MCM5: variants seen among roughly 807,000 people sequenced by gnomAD.
MCM5 encodes the protein DNA replication licensing factor MCM5.
MCM5 carries 46 observed loss-of-function variants against 79.9 expected under a neutral mutation model. The ratio of observed to expected loss-of-function variants is 0.58; its 90% CI spans 0.45 to 0.74. The LOEUF is 0.74. MCM5 is among the 30% of genes least tolerant of loss of function. MCM5 has a pLI of 0.00. For synonymous variants in MCM5, 404 were observed against 390.5 expected, an observed-to-expected ratio of 1.03 and a Z score of -0.41; for missense variants, 883 against 1,017.0, an observed-to-expected ratio of 0.87 and a Z score of 1.79.
chr22:35,411,928 C>T (rs1207181781), intron 7 of MCM5, among the ~76,000 whole-genome samples: 1 of 152,196 alleles, frequency 6.6e-6, no homozygotes, highest in African/African-American at 2.4e-5. Context: ...TCTCAGTCTT[C>T]CCATCTTCAC....
chr22:35,408,387 C>CT lies in MCM5; in HGVS notation c.597-17dup, dbSNP rs746112306. The CT allele has an allele frequency of 1.2e-5, 19 of 1,601,152 alleles. No homozygotes were observed. In the African/African-American group the frequency reaches 2.0e-4, roughly 17 times the overall value. On this transcript the variant is annotated intron_variant, in intron 5 of 16. Coordinates refer to ENST00000216122, the MANE Select transcript of MCM5 (RefSeq NM_006739.4). ...GATTCTCCAGGTAGCTTTGGTGACTCTTTTCCCTTACCTTGTACAGAGATC... is the reference window on the plus strand; with the variant it reads ...GATTCTCCAGGTAGCTTTGGTGACTCTTTTTCCCTTACCTTGTACAGAGATC...
intron 13 of MCM5, among the ~76,000 whole-genome samples, chr22:35,419,224 G>C (rs538173167): frequency 7.2e-5 from 11 of 152,268 alleles, no homozygotes; most frequent in Admixed American, 3.3e-4. Context: ...GGTAGCCTTG[G>C]GGAGTTCCCT....
the MCM5 span, among the ~76,000 whole-genome samples, chr22:35,431,670 C>T: frequency 2.6e-5 from 4 of 152,222 alleles, no homozygotes; most frequent in South Asian, 2.1e-4. Flanking sequence ...GCTTCTAGCA[C>T]GCAGCCCTAA....
the MCM5 span, among the ~76,000 whole-genome samples, chr22:35,435,384 G>A: frequency 6.6e-6 from 1 of 152,164 alleles, no homozygotes; most frequent in Non-Finnish European, 1.5e-5. Context: ...GACTTGGTGG[G>A]ACAGCATGTG....
chr22:35,409,316 G>A (rs1932307850), intron 6 of MCM5, among the ~76,000 whole-genome samples: 1 of 152,188 alleles, frequency 6.6e-6, no homozygotes, highest in South Asian at 2.1e-4. Context: ...GCTCATGCCT[G>A]TAATCCCAGC....
Position 35,408,340 on chromosome 22 carries a change from G to A in MCM5, c.597-68G>A, listed in dbSNP as rs747090219. The A allele has an allele frequency of 7.4e-6, 11 of 1,486,654 alleles. No individual in the cohort carries two copies. In the East Asian group the frequency reaches 2.5e-4, roughly 34 times the overall value. The allele number at this position is 1,486,654 out of a possible 1,614,324, so 92.1% of individuals were successfully genotyped here. On this transcript the variant is annotated intron_variant, in intron 5 of 16. Coordinates refer to ENST00000216122, the MANE Select transcript of MCM5 (RefSeq NM_006739.4). The stretch of plus-strand genomic sequence containing the variant: ...GGCAACGTCTCCTTGCTGGCTCCTG[G>A]GATGAATGAGCCCTGCCTTTGGATT...
At position 35,415,937 on chromosome 22, in the gene MCM5, G is replaced by T; in HGVS notation, c.1312G>T (p.Asp438Tyr). The stretch of plus-strand genomic sequence containing the variant: ...GGAGGGCGGAGCCATGGTCCTGGCC[G>T]ATGGTGGGGTCGTCTGTATTGACGA... ...IMEGGAMVLA[D>Y]GGVVCIDEFD... The change falls in exon 10 of 17, where the codon GAT becomes TAT. Residue 438 changes from aspartate to tyrosine, a missense_variant. Coordinates refer to ENST00000216122, the MANE Select transcript of MCM5 (RefSeq NM_006739.4). 9.9e-6 allele frequency: 16 copies of T among 1,614,152 alleles called. No individual in the cohort carries two copies. Among genetic ancestry groups the T allele is most frequent in the Non-Finnish European group, 1.4e-5 (16 of 1,180,000 alleles).
intron 4 of MCM5, among the ~76,000 whole-genome samples, chr22:35,406,192 A>G (rs1932206081): frequency 6.6e-6 from 1 of 151,252 alleles, no homozygotes; most frequent in African/African-American, 2.4e-5. Context: ...TCTGTGTTGT[A>G]CTCTACAGGT....
Position 35,424,338 on chromosome 22 carries a change from C to T in MCM5, c.*83C>T. The T allele has an allele frequency of 1.0e-6, 1 of 996,446 alleles. No homozygotes were observed. The highest frequency in any genetic ancestry group is 1.5e-6 in the Non-Finnish European group (1 of 674,186). The allele number at this position is 996,446 out of a possible 1,614,324, so 61.7% of individuals were successfully genotyped here. On this transcript the variant is annotated 3_prime_UTR_variant, in exon 17 of 17. Coordinates refer to ENST00000216122, the MANE Select transcript of MCM5 (RefSeq NM_006739.4). ...CCTGCCATTGACAATGTTGCTGGGACCTCTGCCTCCCCACTGCAGCCCTCG... is the reference window on the plus strand; with the variant it reads ...CCTGCCATTGACAATGTTGCTGGGATCTCTGCCTCCCCACTGCAGCCCTCG...
intron 5 of MCM5, among the ~76,000 whole-genome samples, chr22:35,407,001 T>C (rs922047920): frequency 1.3e-5 from 2 of 152,160 alleles, no homozygotes; most frequent in African/African-American, 4.8e-5. Context: ...TCCAGGGTAA[T>C]GAGTCTACTT....
At chr22:35,435,970 C>T in the MCM5 span, among the ~76,000 whole-genome samples, 4 of 151,974 alleles carry the variant, frequency 2.6e-5, no homozygotes, top group South Asian at 6.2e-4. Context: ...AGTTCAAGAC[C>T]AGCCTGATCA....
chr22:35,438,650 T>G, the MCM5 span, among the ~76,000 whole-genome samples: 1 of 36,880 alleles, frequency 2.7e-5, no homozygotes, highest in Admixed American at 2.4e-4. Flanking sequence ...CATCCATCCA[T>G]CCATCCGTCC....
At chr22:35,406,184 T>C (rs1932205707) in intron 4 of MCM5, among the ~76,000 whole-genome samples, 1 of 152,034 alleles carries the variant, frequency 6.6e-6, no homozygotes, top group Non-Finnish European at 1.5e-5. Flanking sequence ...AGGTTTGTTC[T>C]GTGTTGTACT....
the MCM5 span, among the ~76,000 whole-genome samples, chr22:35,432,068 T>G: frequency 6.6e-6 from 1 of 152,240 alleles, no homozygotes; most frequent in South Asian, 2.1e-4. Flanking sequence ...CATGAATGTA[T>G]GCAGAGCTCT....
intron 4 of MCM5, among the ~76,000 whole-genome samples, chr22:35,405,405 C>G (rs533049611): frequency 6.7e-6 from 1 of 149,076 alleles, no homozygotes. Context: ...TTGACTCTGT[C>G]GCCCAGGATG....
the MCM5 span, among the ~76,000 whole-genome samples, chr22:35,444,785 G>T: frequency 0.79 from 120,348 of 152,194 alleles, 48,181 homozygotes; most frequent in African/African-American, 0.88. Context: ...AGGCGGAGGT[G>T]GGAGGATTGC....
At chr22:35,449,324 T>C in the MCM5 span, among the ~76,000 whole-genome samples, 1 of 152,256 alleles carries the variant, frequency 6.6e-6, no homozygotes, top group Admixed American at 6.5e-5. Context: ...TCTTTGGAAC[T>C]GACAGAGGCC....
intron 2 of MCM5, 78 bp downstream of exon 2, chr22:35,400,683 G>A (rs1165835147): frequency 2.1e-6 from 3 of 1,452,860 alleles, no homozygotes; most frequent in Admixed American, 4.6e-5. Flanking sequence ...TAGAGTCCTG[G>A]ACAGTCAGGG....
intron 7 of MCM5, 144 bp downstream of exon 7, chr22:35,411,054 A>G: frequency 1.4e-6 from 1 of 738,794 alleles, no homozygotes; most frequent in Non-Finnish European, 2.1e-6. Context: ...TTTTATATTA[A>G]GTGATCCCTG....
Sources: allele counts gnomAD v4.1 joint callset (sites outside exome capture counted in the v4.1 genomes callset), GRCh38; gene constraint gnomAD v4.1.1; transcripts MANE v1.5; gene names NCBI Gene and HGNC (gene_info 2026-07-23, HGNC 2026-07-21).